Variants in CNTN5 observed in about 807,000 individuals in gnomAD.
The protein encoded by CNTN5 is contactin-5.
In CNTN5, 77 loss-of-function variants were observed where a neutral mutation model predicts 129.1. The observed-to-expected ratio is 0.60, with a 90% CI of 0.50 to 0.72. The LOEUF (loss-of-function observed/expected upper bound fraction) is 0.72. Among genes scored for constraint, CNTN5 ranks in the 30% least tolerant of loss-of-function variants. The pLI is 0.00. For synonymous variants in CNTN5, 509 were observed against 465.6 expected (o/e 1.09, Z -1.20); for missense variants, 1,478 against 1,328.8 (o/e 1.11, Z -1.75).
chr11:99,652,038 C>T (rs1300531275), intron 3 of CNTN5, among the ~76,000 whole-genome samples: 1 of 152,038 alleles, frequency 6.6e-6, no homozygotes, highest in Non-Finnish European at 1.5e-5. Context: ...TTCAGAATCT[C>T]CAGCGTGGAT....
rs987658667 is a variant in CNTN5, at chr11:99,293,052, G to A, written c.-209-32294G>A. Among the ~76,000 whole-genome samples the A allele has an allele frequency of 2.0e-5, 3 of 152,130 alleles. No homozygotes were observed. The South Asian group carries it at 6.2e-4, about 31-fold the overall frequency. ...AAGGGTTTTCACCATTCAATAAGAA[G>A]TTAACTGTGGGTTTGTCATATATGA... On this transcript the variant is annotated intron_variant, in intron 1 of 24. Transcript: ENST00000524871.
chr11:99,793,742 T>G (rs773535082), intron 3 of CNTN5, among the ~76,000 whole-genome samples: 7 of 152,220 alleles, frequency 4.6e-5, no homozygotes, highest in Non-Finnish European at 8.8e-5. Flanking sequence ...CATGATTCTC[T>G]TAGTATTGAT....
chr11:99,738,599 C>T (rs1349963506), intron 3 of CNTN5, among the ~76,000 whole-genome samples: 1 of 137,448 alleles, frequency 7.3e-6, no homozygotes, highest in Non-Finnish European at 1.5e-5. Context: ...AAAAATGATA[C>T]ATTCATAAGA....
intron 3 of CNTN5, among the ~76,000 whole-genome samples, chr11:99,567,002 T>C (rs1207755742): frequency 6.6e-6 from 1 of 152,226 alleles, no homozygotes; most frequent in Non-Finnish European, 1.5e-5. Context: ...GGTATATTTA[T>C]ATCTTTTCCT....
At chr11:99,753,568 A>G (rs538573144) in intron 3 of CNTN5, among the ~76,000 whole-genome samples, 2 of 147,108 alleles carry the variant, frequency 1.4e-5, no homozygotes, top group East Asian at 2.0e-4. Context: ...TGCTTGCACT[A>G]GTTTATCAGC....
chr11:99,815,548 A>G (rs1946559780), intron 3 of CNTN5, among the ~76,000 whole-genome samples: 1 of 152,314 alleles, frequency 6.6e-6, no homozygotes, highest in Middle Eastern at 3.4e-3. Context: ...TTTGTCAAAT[A>G]GAATGGAAAT....
At chr11:100,015,566 C>A (rs1191201082) in intron 9 of CNTN5, among the ~76,000 whole-genome samples, 1 of 152,112 alleles carries the variant, frequency 6.6e-6, no homozygotes, top group East Asian at 1.9e-4. Flanking sequence ...GATTGCAGTT[C>A]TTTTCTCAAA....
intron 3 of CNTN5, among the ~76,000 whole-genome samples, chr11:99,575,842 G>T (rs1356396631): frequency 6.6e-6 from 1 of 152,138 alleles, no homozygotes; most frequent in Non-Finnish European, 1.5e-5. Flanking sequence ...TGGGAGAAGA[G>T]CACCAGCATA....
intron 23 of CNTN5, among the ~76,000 whole-genome samples, chr11:100,343,819 A>C (rs2139021342): frequency 6.6e-6 from 1 of 152,196 alleles, no homozygotes; most frequent in Non-Finnish European, 1.5e-5. Context: ...ACTACATCCC[A>C]AAAATTACTG....
At chr11:100,293,505 A>G (rs1000420281) in intron 18 of CNTN5, among the ~76,000 whole-genome samples, 9 of 151,820 alleles carry the variant, frequency 5.9e-5, no homozygotes, top group African/African-American at 2.2e-4. Context: ...AGCACTTCTC[A>G]TAGAAGACTT....
intron 7 of CNTN5, among the ~76,000 whole-genome samples, chr11:99,955,383 A>T (rs1214512732): frequency 6.6e-6 from 1 of 151,962 alleles, no homozygotes; most frequent in East Asian, 1.9e-4. Flanking sequence ...TAAATTATTA[A>T]TAAAATATTA....
chr11:100,289,202 C>T (rs920585109), intron 18 of CNTN5, among the ~76,000 whole-genome samples: 1 of 151,820 alleles, frequency 6.6e-6, no homozygotes, highest in Non-Finnish European at 1.5e-5. Context: ...TGGTACCATT[C>T]CTTCTGAAAC....
Position 99,178,185 on chromosome 11 carries a change from A to C in CNTN5, c.-209-147161A>C, listed in dbSNP as rs1268238361. ...CAAACAAACAAACAAACAAACAAAA[A>C]ACTAGCAACTCTAGGCTGGGCACCA... On this transcript the variant is annotated intron_variant, in intron 1 of 24. Coordinates refer to ENST00000524871, the MANE Select transcript of CNTN5 (RefSeq NM_014361.4). Among the ~76,000 whole-genome samples the C allele has an allele frequency of 8.5e-5, 13 of 152,126 alleles. No homozygotes were observed. The South Asian group carries it at 1.5e-3, about 17-fold the overall frequency.
chr11:99,696,101 G>A (rs1418337547), intron 3 of CNTN5, among the ~76,000 whole-genome samples: 8 of 151,954 alleles, frequency 5.3e-5, no homozygotes, highest in Non-Finnish European at 1.0e-4. Flanking sequence ...ACTGAAAAGG[G>A]ATGTATAAGG....
chr11:99,784,933 G>A (rs1945462186), intron 3 of CNTN5, among the ~76,000 whole-genome samples: 1 of 151,112 alleles, frequency 6.6e-6, no homozygotes, highest in African/African-American at 2.4e-5. Context: ...CCAAATAGGT[G>A]AGACTACAGG....
At chr11:99,592,272 A>C (rs1950001596) in intron 3 of CNTN5, among the ~76,000 whole-genome samples, 1 of 152,242 alleles carries the variant, frequency 6.6e-6, no homozygotes, top group Non-Finnish European at 1.5e-5. Flanking sequence ...GAGAGGGGTT[A>C]TTAGATGAGT....
Position 99,509,664 on chromosome 11 carries a change from T to C in CNTN5, c.-70-46481T>C, listed in dbSNP as rs114385398. ...GATGTCCCAGAGGTTTTGATTTACATCTGAATAGAACCTTTTAATGAAAAC... is the reference window on the plus strand; with the variant it reads ...GATGTCCCAGAGGTTTTGATTTACACCTGAATAGAACCTTTTAATGAAAAC... On this transcript the variant is annotated intron_variant, in intron 2 of 24. Coordinates refer to ENST00000524871, the MANE Select transcript of CNTN5 (RefSeq NM_014361.4). 8.5e-3 allele frequency among the ~76,000 whole-genome samples: 1,295 copies of C among 152,148 alleles called. 20 individuals are homozygous for C. Among genetic ancestry groups the C allele is most frequent in the African/African-American group, 0.029 (1,225 of 41,530 alleles).
At chr11:100,064,356 A>G (rs1365721647) in intron 10 of CNTN5, among the ~76,000 whole-genome samples, 1 of 152,184 alleles carries the variant, frequency 6.6e-6, no homozygotes, top group Non-Finnish European at 1.5e-5. Flanking sequence ...GATAGTACAC[A>G]TAAGTTTAAG....
chr11:99,892,776 T>C (rs1178261950), intron 6 of CNTN5, among the ~76,000 whole-genome samples: 1 of 152,172 alleles, frequency 6.6e-6, no homozygotes, highest in Non-Finnish European at 1.5e-5. Context: ...CCTCCAGCTT[T>C]GTTCTTTTTG....
Sources: allele counts gnomAD v4.1 joint callset (sites outside exome capture counted in the v4.1 genomes callset), GRCh38; gene constraint gnomAD v4.1.1; transcripts MANE v1.5; gene names NCBI Gene and HGNC (gene_info 2026-07-23, HGNC 2026-07-21).